Variants in DNAH9 observed in about 807,000 individuals in gnomAD.
DNAH9 encodes the protein dynein axonemal heavy chain 9.
A neutral mutation model predicts 471.6 loss-of-function variants in DNAH9; 345 were observed. That is an observed-to-expected ratio of 0.73 (90% CI 0.67 to 0.80). The LOEUF (loss-of-function observed/expected upper bound fraction) is 0.80. Among genes scored for constraint, DNAH9 ranks in the 30% least tolerant of loss-of-function variants. The pLI, the probability that DNAH9 is intolerant of heterozygous loss-of-function variation, is 0.00. For missense variants in DNAH9, 5,407 were observed against 5,609.2 expected (o/e 0.96, Z 1.15); for synonymous variants, 2,093 against 2,123.6 (o/e 0.99, Z 0.40).
At chr17:11,747,020 T>C (rs1966908458) in intron 31 of DNAH9, among the ~76,000 whole-genome samples, 1 of 152,190 alleles carries the variant, frequency 6.6e-6, no homozygotes, top group South Asian at 2.1e-4. Flanking sequence ...AAATTAGAGC[T>C]GGAAGTCAGT....
chr17:11,628,406 A>G (rs2073007294), intron 6 of DNAH9, among the ~76,000 whole-genome samples: 1 of 152,232 alleles, frequency 6.6e-6, no homozygotes, highest in Non-Finnish European at 1.5e-5. Flanking sequence ...CTGTGTGTGC[A>G]GGCCTGGCCT....
At position 11,674,142 on chromosome 17, in the gene DNAH9, T is replaced by C. The variant is rs186953566; in HGVS notation, c.3353+4348T>C. Among the ~76,000 whole-genome samples, 16 of 152,280 alleles carry C rather than the reference T, an allele frequency of 1.1e-4. No homozygotes were observed. In the East Asian group the frequency reaches 3.1e-3, roughly 29 times the overall value. ...TGTTGAACATTTGGGTTGTTTCCAG[T>C]GGTTTTGCTCTTCCCTAAGGACACT... is the stretch of plus-strand genomic sequence containing the variant. On this transcript the variant is annotated intron_variant, in intron 17 of 68. Coordinates refer to ENST00000262442, the MANE Select transcript of DNAH9 (RefSeq NM_001372.4).
intron 27 of DNAH9, among the ~76,000 whole-genome samples, chr17:11,724,531 A>G (rs1448225713): frequency 6.6e-6 from 1 of 152,212 alleles, no homozygotes; most frequent in Non-Finnish European, 1.5e-5. Context: ...ATGGCTGAAC[A>G]ATATTGCTTT....
At position 11,619,577 on chromosome 17, in the gene DNAH9, G is replaced by A; in HGVS notation, c.1146G>A (p.Leu382=). The stretch of plus-strand genomic sequence containing the variant: ...CTAATTATCTCAGCCCAGAAGACCT[G>A]CTGAGAAGTGAGGTAGAAGAAAGTC... The part of the protein sequence containing the change: ...QASNYLSPED[L]LRSEVEESQR... Residue 382 remains leucine, a synonymous_variant, in exon 6 of 69, where the codon CTG becomes CTA. Coordinates refer to ENST00000262442, the MANE Select transcript of DNAH9 (RefSeq NM_001372.4). The A allele has an allele frequency of 6.2e-7, 1 of 1,613,814 alleles. No individual in the cohort carries two copies. Among genetic ancestry groups the A allele is most frequent in the Non-Finnish European group, 8.5e-7 (1 of 1,179,684 alleles).
In DNAH9 at chr17:11,669,237, CAA is replaced by C; in HGVS notation, c.2908_2909del (p.Asn970TrpfsTer71). 1 of 1,613,694 alleles carries C rather than the reference CAA, an allele frequency of 6.2e-7. No individual in the cohort carries two copies. Among genetic ancestry groups the C allele is most frequent in the South Asian group, 1.1e-5 (1 of 90,978 alleles). The part of the protein sequence containing the change: ...IPSLVPRLSP[Q>X]NGSPHYQVDL... ...ATCTCTGGTGCCACGGCTTTCCCCA[CAA>C]AATGGCTCTCCTCACTATCAGGTAC... On this transcript the variant is annotated frameshift_variant, in exon 16 of 69. Transcript: ENST00000262442. LOFTEE classifies it high-confidence loss of function.
At chr17:11,857,992 A>G (rs191287650) in intron 50 of DNAH9, among the ~76,000 whole-genome samples, 9 of 152,230 alleles carry the variant, frequency 5.9e-5, no homozygotes, top group Admixed American at 5.9e-4. Context: ...CTTATAAATT[A>G]CCCAGTCTCA....
rs562823426 is a variant in DNAH9 at position 11,789,667 on chromosome 17, T to C, written c.8062-3836T>C. On this transcript the variant is annotated intron_variant, in intron 41 of 68. Transcript: ENST00000262442. The stretch of plus-strand genomic sequence containing the variant: ...ACTTTCTTACTGTCTTAATTTGATA[T>C]CTGTTTTATATATTATTAATATTTT... Among the ~76,000 whole-genome samples the C allele has an allele frequency of 9.9e-5, 15 of 152,096 alleles. No individual in the cohort carries two copies. In the South Asian group the frequency reaches 3.1e-3, roughly 32 times the overall value.
At chr17:11,793,390 G>C (rs1359913109) in intron 41 of DNAH9, 113 bp from the exon 42 acceptor site, 13 of 961,586 alleles carry the variant, frequency 1.4e-5, no homozygotes, top group Non-Finnish European at 2.0e-5. Flanking sequence ...TGTTTAGCAA[G>C]ACAAGCCCTA....
chr17:11,673,558 C>T (rs1225196981), intron 17 of DNAH9, among the ~76,000 whole-genome samples: 1 of 151,322 alleles, frequency 6.6e-6, no homozygotes, highest in Admixed American at 6.6e-5. Flanking sequence ...TTTTTGTATG[C>T]ACTCCTTTAC....
intron 17 of DNAH9, among the ~76,000 whole-genome samples, chr17:11,673,601 G>GT (rs59481227): frequency 0.15 from 19,258 of 130,840 alleles, 1,404 homozygotes; most frequent in African/African-American, 0.2. Flanking sequence ...GTTTATATTT[G>GT]TTTTTTTTTT....
intron 17 of DNAH9, among the ~76,000 whole-genome samples, chr17:11,671,293 C>T (rs1299372463): frequency 4.6e-5 from 7 of 152,194 alleles, no homozygotes; most frequent in Non-Finnish European, 1.0e-4. Context: ...TTATTACTCA[C>T]AGTTCCCAGG....
intron 49 of DNAH9, among the ~76,000 whole-genome samples, chr17:11,850,566 G>A (rs534424598): frequency 9.3e-5 from 14 of 151,276 alleles, no homozygotes; most frequent in Admixed American, 2.6e-4. Flanking sequence ...CAGGAGAATC[G>A]CCTGAACCCG....
At chr17:11,961,621 A>G (rs549904315) in intron 67 of DNAH9, among the ~76,000 whole-genome samples, 1 of 152,338 alleles carries the variant, frequency 6.6e-6, no homozygotes, top group African/African-American at 2.4e-5. Flanking sequence ...AGAACAGTTG[A>G]GACTCTGACA....
chr17:11,781,868 A>C (rs1310689608), intron 39 of DNAH9, among the ~76,000 whole-genome samples: 1 of 148,744 alleles, frequency 6.7e-6, no homozygotes, highest in African/African-American at 2.5e-5. Flanking sequence ...ACTACCAAAC[A>C]CCCGGTACCA....
chr17:11,609,166 G>T (rs2072573201), intron 2 of DNAH9, among the ~76,000 whole-genome samples: 1 of 152,188 alleles, frequency 6.6e-6, no homozygotes, highest in South Asian at 2.1e-4. Flanking sequence ...CAGGATCCAT[G>T]ATTTGATCCG....
chr17:11,886,734 G>C, intron 56 of DNAH9, 91 bp from the exon 57 acceptor site: 9 of 1,480,276 alleles, frequency 6.1e-6, no homozygotes, highest in Non-Finnish European at 8.2e-6. Context: ...CCCCTAAGCA[G>C]ACGCATGTCT....
chr17:11,812,321 A>G (rs1379860265), intron 45 of DNAH9, among the ~76,000 whole-genome samples: 2 of 151,122 alleles, frequency 1.3e-5, no homozygotes, highest in African/African-American at 4.9e-5. Flanking sequence ...GCTCTGATTA[A>G]ATAATGTTTA....
intron 50 of DNAH9, among the ~76,000 whole-genome samples, chr17:11,863,979 G>A (rs1971951189): frequency 1.3e-5 from 2 of 151,574 alleles, no homozygotes; most frequent in South Asian, 4.2e-4. Flanking sequence ...CCAGCTCCTG[G>A]ATTCATTAAT....
chr17:11,602,389 A>C (rs2072404881), intron 1 of DNAH9, among the ~76,000 whole-genome samples: 1 of 152,038 alleles, frequency 6.6e-6, no homozygotes, highest in African/African-American at 2.4e-5. Context: ...GATCCTTGTC[A>C]CCTTGCTGTA....
Sources: gnomAD v4.1 joint callset for allele counts (sites outside exome capture counted in the v4.1 genomes callset) on GRCh38, gnomAD v4.1.1 for gene constraint, MANE v1.5 for transcripts, NCBI Gene and HGNC (gene_info 2026-07-23, HGNC 2026-07-21) for gene names.